Variants in ABL2 observed in about 807,000 individuals in gnomAD.
ABL2 encodes tyrosine-protein kinase ABL2.
In ABL2, 49 loss-of-function variants were observed where a neutral mutation model predicts 107.7. The observed-to-expected ratio is 0.45, with a 90% CI of 0.36 to 0.58. The LOEUF is 0.58. Ranked by LOEUF, ABL2 falls within the 20% of genes least tolerant of loss-of-function variation. The pLI, the probability that ABL2 is intolerant of heterozygous loss-of-function variation, is 0.00. For missense variants in ABL2, 1,245 were observed against 1,457.0 expected (o/e 0.85, Z 2.37); for synonymous variants, 549 against 548.6 (o/e 1.00, Z -0.01).
Position 179,229,504 on chromosome 1 carries a change from G to A in ABL2, c.-107C>T. Reference sequence around the variant, plus strand: ...CTCCGGTCTCTCCCTCCCAGCCCAGGCCCTGGCCCTGAGTGGCTGGGCCAC... The same window carrying A: ...CTCCGGTCTCTCCCTCCCAGCCCAGACCCTGGCCCTGAGTGGCTGGGCCAC... On this transcript the variant is annotated 5_prime_UTR_variant, in exon 1 of 12. Transcript: ENST00000502732. The A allele has an allele frequency of 1.6e-6, 2 of 1,251,366 alleles. No homozygotes were observed. The highest frequency in any genetic ancestry group is 2.1e-6 in the Non-Finnish European group (2 of 966,708). The allele number at this position is 1,251,366 out of a possible 1,614,324, so 77.5% of individuals were successfully genotyped here. A position where few individuals can be genotyped will look rare whatever the true frequency, so the allele number is the denominator to read the frequency against.
chr1:179,111,436 C>G (rs548348274), intron 10 of ABL2, among the ~76,000 whole-genome samples: 1 of 152,008 alleles, frequency 6.6e-6, no homozygotes, highest in African/African-American at 2.4e-5. Flanking sequence ...CAGGCGCCTG[C>G]CATCACGCCT....
At chr1:179,196,745 G>A (rs1188475389) in intron 1 of ABL2, among the ~76,000 whole-genome samples, 1 of 148,792 alleles carries the variant, frequency 6.7e-6, no homozygotes, top group African/African-American at 2.5e-5. Flanking sequence ...TGGGCAACAA[G>A]AGTGAAACTC....
At position 179,229,646 on chromosome 1, in the gene ABL2, G is replaced by T. The variant is rs1466338025; in HGVS notation, c.-249C>A. On this transcript the variant is annotated 5_prime_UTR_variant, in exon 1 of 12. Coordinates refer to ENST00000502732, the MANE Select transcript of ABL2 (RefSeq NM_007314.4). The stretch of plus-strand genomic sequence containing the variant: ...CCGCGCCCCCAACGCCGCCGCCGCC[G>T]CCGCCGCCACCGCCGCCGCCATCTT... 4 of 495,924 alleles carry T rather than the reference G, an allele frequency of 8.1e-6. No individual in the cohort carries two copies. The highest frequency in any genetic ancestry group is 1.4e-5 in the Non-Finnish European group (4 of 287,166). The allele number at this position is 495,924 out of a possible 1,614,324, so 30.7% of individuals were successfully genotyped here. A position where few individuals can be genotyped will look rare whatever the true frequency, so the allele number is the denominator to read the frequency against.
chr1:179,121,014 G>A (rs187532015), intron 5 of ABL2, among the ~76,000 whole-genome samples: 4 of 56,742 alleles, frequency 7.0e-5, no homozygotes, highest in Non-Finnish European at 3.0e-5. Context: ...AAACAGAACT[G>A]ACTACTACTT....
At position 179,120,071 on chromosome 1, in the gene ABL2, AAC is replaced by A. The variant is rs1655037808; in HGVS notation, c.1045+117_1045+118del. The A allele has an allele frequency of 5.1e-6, 3 of 592,382 alleles. No homozygotes were observed. The Admixed American group carries it at 8.9e-5, about 18-fold the overall frequency. 36.7% of individuals were successfully genotyped at this position (592,382 alleles called of 1,614,324 possible). ...GTATCACGTCAACAGCAGCCTGGAC[AAC>A]AGAGCGAGACCCTGTCTCTATATTT... On this transcript the variant is annotated intron_variant, in intron 6 of 11. Coordinates refer to ENST00000502732, the MANE Select transcript of ABL2 (RefSeq NM_007314.4).
At chr1:179,143,121 A>G (rs1657739045) in intron 1 of ABL2, 4 of 1,555,472 alleles carry the variant, frequency 2.6e-6, no homozygotes, top group Non-Finnish European at 3.5e-6. Context: ...CTGACAAGCA[A>G]TACCACATGC....
chr1:179,110,531 C>T (rs1330060172), intron 10 of ABL2, 76 bp from the exon 11 acceptor site: 6 of 1,538,806 alleles, frequency 3.9e-6, no homozygotes, highest in Non-Finnish European at 5.2e-6. Flanking sequence ...AGAAAAGGCA[C>T]ACAACTGAGA....
rs576746516 is a variant in ABL2 at position 179,218,342 on chromosome 1, G to A, written c.157+10899C>T. 4.5e-4 allele frequency among the ~76,000 whole-genome samples: 68 copies of A among 152,250 alleles called. 2 individuals carry two copies. In the South Asian group the frequency reaches 0.013, roughly 30 times the overall value. ...AATTTCTGAACCAGTTTTGAAGAGA[G>A]TTAGTACATTACATCCTGTTTTCTG... is the stretch of plus-strand genomic sequence containing the variant. On this transcript the variant is annotated intron_variant, in intron 1 of 11. Coordinates refer to ENST00000502732, the MANE Select transcript of ABL2 (RefSeq NM_007314.4).
rs923771524 is a variant in ABL2 at position 179,106,068 on chromosome 1, T to C, written c.*1650A>G. ...AGCCAGAAGAAAACTCAGTGCTCAA[T>C]GTTGAATTCCTATCTTCCTAAGCTA... On this transcript the variant is annotated 3_prime_UTR_variant, in exon 12 of 12. Transcript: ENST00000502732. 5.5e-4 allele frequency: 120 copies of C among 216,680 alleles called. No homozygotes were observed. Among genetic ancestry groups the C allele is most frequent in the Non-Finnish European group, 1.2e-4 (13 of 107,678 alleles). The allele number at this position is 216,680 out of a possible 1,614,324, so 13.4% of individuals were successfully genotyped here. A position where few individuals can be genotyped will look rare whatever the true frequency, so the allele number is the denominator to read the frequency against.
In ABL2 at chr1:179,107,502, C is replaced by A; in HGVS notation, c.*216G>T. ...AGTTTCCAACCCTGTCCACTACTGC[C>A]TTGCCCCCACTTAATTTACCTCTCC... On this transcript the variant is annotated 3_prime_UTR_variant, in exon 12 of 12. Coordinates refer to ENST00000502732, the MANE Select transcript of ABL2 (RefSeq NM_007314.4). 1 of 874,890 alleles carries A rather than the reference C, an allele frequency of 1.1e-6. No individual in the cohort carries two copies. Among genetic ancestry groups the A allele is most frequent in the Non-Finnish European group, 1.6e-6 (1 of 613,846 alleles). 54.2% of individuals were successfully genotyped at this position (874,890 alleles called of 1,614,324 possible). A position where few individuals can be genotyped will look rare whatever the true frequency, so the allele number is the denominator to read the frequency against.
intron 1 of ABL2, among the ~76,000 whole-genome samples, chr1:179,157,285 A>C (rs1238612128): frequency 1.3e-5 from 2 of 152,172 alleles, no homozygotes; most frequent in Non-Finnish European, 2.9e-5. Context: ...ACATGAGGTC[A>C]GGAGTTCGAG....
intron 1 of ABL2, among the ~76,000 whole-genome samples, chr1:179,205,177 C>T (rs1661894449): frequency 6.6e-6 from 1 of 152,046 alleles, no homozygotes; most frequent in South Asian, 2.1e-4. Flanking sequence ...CAAGTGTGTG[C>T]CACCACACCC....
At chr1:179,226,591 G>C (rs1287984349) in intron 1 of ABL2, among the ~76,000 whole-genome samples, 2 of 152,156 alleles carry the variant, frequency 1.3e-5, no homozygotes, top group East Asian at 3.9e-4. Flanking sequence ...ACAGGCGTGA[G>C]CCACCGCACC....
chr1:179,190,429 G>C (rs1378714448), intron 1 of ABL2, among the ~76,000 whole-genome samples: 1 of 152,188 alleles, frequency 6.6e-6, no homozygotes, highest in Non-Finnish European at 1.5e-5. Context: ...GCTGAGCAGA[G>C]TCCTTCAGGA....
intron 1 of ABL2, among the ~76,000 whole-genome samples, chr1:179,224,912 G>A (rs1008177659): frequency 3.2e-4 from 49 of 151,752 alleles, no homozygotes; most frequent in African/African-American, 1.1e-3. Context: ...TGTAGTCTCA[G>A]CTCCTCGGGA....
At chr1:179,128,178 C>A (rs1312874353) in intron 3 of ABL2, among the ~76,000 whole-genome samples, 1 of 152,054 alleles carries the variant, frequency 6.6e-6, no homozygotes, top group African/African-American at 2.4e-5. Context: ...CACCATCTCA[C>A]CTTAGACACA....
intron 1 of ABL2, among the ~76,000 whole-genome samples, chr1:179,213,867 C>A (rs1315343724): frequency 6.6e-6 from 1 of 152,070 alleles, no homozygotes; most frequent in African/African-American, 2.4e-5. Context: ...ATTGTTTGAG[C>A]CCAGGAGGCT....
chr1:179,182,337 T>A (rs1439577863), intron 1 of ABL2, among the ~76,000 whole-genome samples: 4 of 152,206 alleles, frequency 2.6e-5, no homozygotes, highest in Non-Finnish European at 4.4e-5. Context: ...TCAGAACCTT[T>A]AGCCTCAAAT....
chr1:179,224,432 A>T (rs1663081684), intron 1 of ABL2, among the ~76,000 whole-genome samples: 1 of 151,514 alleles, frequency 6.6e-6, no homozygotes, highest in Non-Finnish European at 1.5e-5. Flanking sequence ...ACACCTGGCT[A>T]ATTTTTGTAT....
Sources: gnomAD v4.1 joint callset for allele counts (sites outside exome capture counted in the v4.1 genomes callset) on GRCh38, gnomAD v4.1.1 for gene constraint, MANE v1.5 for transcripts, NCBI Gene and HGNC (gene_info 2026-07-23, HGNC 2026-07-21) for gene names.